The following S100Z variants were observed in gnomAD, a reference collection of about 807,000 sequenced individuals.
S100Z encodes the protein S100 calcium binding protein Z.
Under a neutral mutation model 8.5 loss-of-function variants are expected in S100Z, and 11 were observed. The ratio of observed to expected loss-of-function variants is 1.30; its 90% CI spans 0.82 to 2.15. S100Z has a LOEUF of 2.15. Among genes scored for constraint, S100Z ranks in the 30% most tolerant of loss-of-function variants. The pLI is 0.00. For missense variants in S100Z, 126 were observed against 117.9 expected (o/e 1.07, Z -0.32); for synonymous variants, 34 against 43.8 (o/e 0.78, Z 0.89).
chr5:76,887,304 G>A (rs1743679874), intron 4 of S100Z, among the ~76,000 whole-genome samples: 2 of 150,516 alleles, frequency 1.3e-5, no homozygotes, highest in South Asian at 4.2e-4. Flanking sequence ...ACCATGTTGG[G>A]GCCAGAAAGG....
intron 1 of S100Z, among the ~76,000 whole-genome samples, chr5:76,864,604 A>C (rs1000917959): frequency 1.3e-5 from 2 of 151,910 alleles, no homozygotes; most frequent in African/African-American, 4.8e-5. Flanking sequence ...GGGTTTTGCC[A>C]TGTTGCCTAG....
At chr5:76,914,187 G>A (rs1744774105) in intron 4 of S100Z, among the ~76,000 whole-genome samples, 1 of 152,076 alleles carries the variant, frequency 6.6e-6, no homozygotes, top group South Asian at 2.1e-4. Flanking sequence ...CCCTTATCCA[G>A]CAGGAAGTAG....
chr5:76,853,301 G>A (rs887206530), intron 1 of S100Z, among the ~76,000 whole-genome samples: 25 of 152,226 alleles, frequency 1.6e-4, no homozygotes, highest in Admixed American at 9.8e-4. Flanking sequence ...ACAAGTCAGA[G>A]ATGAGAGCTG....
downstream of S100Z, among the ~76,000 whole-genome samples, chr5:76,922,749 T>G (rs1745070872): frequency 6.6e-6 from 1 of 152,138 alleles, no homozygotes; most frequent in Admixed American, 6.5e-5. Flanking sequence ...GGTCTTGATC[T>G]CCTGACCTCG....
chr5:76,896,761 GC>G, intron 4 of S100Z, among the ~76,000 whole-genome samples: 1 of 152,222 alleles, frequency 6.6e-6, no homozygotes, highest in South Asian at 2.1e-4. Context: ...TCTCATTGTA[GC>G]TTTGATATGC....
intron 4 of S100Z, among the ~76,000 whole-genome samples, chr5:76,897,558 T>C (rs1433705252): frequency 2.0e-5 from 3 of 152,072 alleles, no homozygotes; most frequent in Non-Finnish European, 4.4e-5. Flanking sequence ...ATTGAATCCA[T>C]AGATTGCTTT....
chr5:76,910,985 G>A (rs373177647), intron 4 of S100Z, among the ~76,000 whole-genome samples: 4 of 152,258 alleles, frequency 2.6e-5, no homozygotes, highest in South Asian at 2.1e-4. Flanking sequence ...GGATATATTA[G>A]CCAAGGCTGG....
chr5:76,880,115 G>C (rs892491779), intron 4 of S100Z, among the ~76,000 whole-genome samples: 1 of 152,192 alleles, frequency 6.6e-6, no homozygotes, highest in Non-Finnish European at 1.5e-5. Context: ...CATTCTCAAG[G>C]ATGGGGAGAA....
At chr5:76,943,536 C>T in the S100Z span, among the ~76,000 whole-genome samples, 2 of 152,188 alleles carry the variant, frequency 1.3e-5, no homozygotes, top group African/African-American at 4.8e-5. Context: ...CTTCCTTTGC[C>T]CCTCCTGTTC....
intron 1 of S100Z, among the ~76,000 whole-genome samples, chr5:76,866,985 G>A (rs1742769973): frequency 6.6e-6 from 1 of 151,888 alleles, no homozygotes; most frequent in Admixed American, 6.6e-5. Flanking sequence ...ATTTTAAATG[G>A]CTGCATGATT....
intron 1 of S100Z, among the ~76,000 whole-genome samples, chr5:76,857,943 C>T (rs568652608): frequency 1.6e-4 from 24 of 152,272 alleles, no homozygotes; most frequent in Middle Eastern, 3.4e-3. Flanking sequence ...TATTAACTAC[C>T]GTTTTCCTTA....
the S100Z span, among the ~76,000 whole-genome samples, chr5:76,940,434 A>C: frequency 2.7e-5 from 4 of 150,216 alleles, no homozygotes; most frequent in Admixed American, 6.6e-5. Flanking sequence ...TTTTTTTGAG[A>C]TGGAACCTTG....
intron 1 of S100Z, among the ~76,000 whole-genome samples, chr5:76,864,745 G>A (rs930462625): frequency 7.9e-5 from 12 of 151,586 alleles, no homozygotes; most frequent in Admixed American, 7.9e-4. Flanking sequence ...AATCTCGCCT[G>A]TCACCCAGGT....
At chr5:76,900,842 C>T (rs993992136) in intron 4 of S100Z, among the ~76,000 whole-genome samples, 2 of 152,174 alleles carry the variant, frequency 1.3e-5, no homozygotes, top group Admixed American at 1.3e-4. Context: ...ATGGTCTTCA[C>T]TGTCTGGGCT....
chr5:76,936,616 TACACACAC>T, the S100Z span, among the ~76,000 whole-genome samples: 665 of 134,134 alleles, frequency 5.0e-3, 1 homozygote, highest in African/African-American at 0.016. Context: ...TTAAAGTTCC[TACACACAC>T]ACACACACAC....
At chr5:76,906,972 G>A (rs1350871872) in intron 4 of S100Z, among the ~76,000 whole-genome samples, 6 of 30,450 alleles carry the variant, frequency 2.0e-4, no homozygotes, top group African/African-American at 7.4e-4. Flanking sequence ...TCCATTGTGT[G>A]TGTGTATATA....
At chr5:76,888,488 G>A (rs1247104685) in intron 4 of S100Z, among the ~76,000 whole-genome samples, 11 of 140,742 alleles carry the variant, frequency 7.8e-5, no homozygotes, top group African/African-American at 2.9e-4. Context: ...CCATTCTCCT[G>A]TCTCAGCCTC....
chr5:76,899,188 C>T (rs1384243445), intron 4 of S100Z, among the ~76,000 whole-genome samples: 1 of 152,088 alleles, frequency 6.6e-6, no homozygotes, highest in Non-Finnish European at 1.5e-5. Context: ...CCCACCTCAG[C>T]CTCCCAAAGT....
intron 4 of S100Z, among the ~76,000 whole-genome samples, chr5:76,882,192 A>G (rs978616127): frequency 1.3e-5 from 2 of 152,120 alleles, no homozygotes; most frequent in East Asian, 1.9e-4. Flanking sequence ...AACTATAGAG[A>G]GTGAGTTGAG....
Sources: allele counts gnomAD v4.1 joint callset (sites outside exome capture counted in the v4.1 genomes callset), GRCh38; gene constraint gnomAD v4.1.1; transcripts MANE v1.5; gene names NCBI Gene and HGNC (gene_info 2026-07-23, HGNC 2026-07-21).